CPNE4: variants seen among roughly 807,000 people sequenced by gnomAD.
The protein encoded by CPNE4 is copine 4.
A neutral mutation model predicts 67.9 loss-of-function variants in CPNE4; 25 were observed. That is an observed-to-expected ratio of 0.37 (90% confidence interval 0.27 to 0.51). The LOEUF (loss-of-function observed/expected upper bound fraction) is 0.51. CPNE4 is among the 20% of genes least tolerant of loss of function. The pLI is 0.93. For synonymous variants in CPNE4, 242 were observed against 244.9 expected (o/e 0.99, Z 0.11); for missense variants, 464 against 690.8 (o/e 0.67, Z 3.68).
Position 131,915,297 on chromosome 3 carries a change from T to C in CPNE4, c.-1-9853A>G, listed in dbSNP as rs989524658. Among the ~76,000 whole-genome samples, 4 of 152,214 alleles carry C rather than the reference T, an allele frequency of 2.6e-5. No homozygotes were observed. In the South Asian group the frequency reaches 6.2e-4, roughly 24 times the overall value. On this transcript the variant is annotated intron_variant, in intron 1 of 15. Transcript: ENST00000429747. ...TCAACCCTATTCCAATCCCAATAAA[T>C]CTCTAAGGTGTAGTGTATGTATTGA...
intron 1 of CPNE4, among the ~76,000 whole-genome samples, chr3:131,996,534 A>C (rs376454480): frequency 6.6e-5 from 10 of 152,150 alleles, no homozygotes; most frequent in East Asian, 3.9e-4. Context: ...CGATAGGAAC[A>C]GAAGAAAATC....
chr3:131,847,419 A>C (rs563896517), intron 2 of CPNE4, among the ~76,000 whole-genome samples: 1 of 152,268 alleles, frequency 6.6e-6, no homozygotes, highest in South Asian at 2.1e-4. Flanking sequence ...TCTTCCTGCT[A>C]TCCTGGGCAT....
intron 2 of CPNE4, among the ~76,000 whole-genome samples, chr3:131,863,069 T>C (rs2086762116): frequency 6.6e-6 from 1 of 152,170 alleles, no homozygotes; most frequent in South Asian, 2.1e-4. Context: ...TAGTATTCCA[T>C]GGTGTATATG....
chr3:131,840,022 T>A (rs74945894), intron 2 of CPNE4, among the ~76,000 whole-genome samples: 3,857 of 152,208 alleles, frequency 0.025, 70 homozygotes, highest in Non-Finnish European at 0.036. Context: ...GAGGAAACAA[T>A]CATGAATATA....
intron 1 of CPNE4, among the ~76,000 whole-genome samples, chr3:131,916,171 A>G (rs1560595396): frequency 1.3e-5 from 2 of 152,146 alleles, no homozygotes; most frequent in Non-Finnish European, 2.9e-5. Context: ...TGGCACTGAA[A>G]TAATTTACTC....
At position 131,888,435 on chromosome 3, in the gene CPNE4, C is replaced by T. The variant is rs77409067; in HGVS notation, c.180+16829G>A. Among the ~76,000 whole-genome samples the T allele has an allele frequency of 3.0e-4, 45 of 151,954 alleles. No individual in the cohort carries two copies. The East Asian group carries it at 6.0e-3, about 20-fold the overall frequency. On this transcript the variant is annotated intron_variant, in intron 2 of 15. Transcript: ENST00000429747. ...AAAAAGTCTCTAGGACTAACTACTC[C>T]GACGAAAAGGAGCTCTTGAAATATA... is the stretch of plus-strand genomic sequence containing the variant.
chr3:131,555,396 CAGTT>C (rs1936406551), intron 12 of CPNE4, 97 bp downstream of exon 12: 2 of 982,482 alleles, frequency 2.0e-6, no homozygotes, highest in African/African-American at 3.2e-5. Context: ...CCTACTGACA[CAGTT>C]AGGTCAGAGT....
rs1553774062 is a variant in CPNE4, at chr3:131,801,355, C to CT, written c.181-77731_181-77730insA. Among the ~76,000 whole-genome samples, 315 of 89,774 alleles carry CT rather than the reference C, an allele frequency of 3.5e-3. 3 individuals are homozygous for CT. The highest frequency in any genetic ancestry group is 6.6e-3 in the Admixed American group (49 of 7,476). The allele number at this position is 89,774 out of a possible 152,430, so 58.9% of individuals were successfully genotyped here. On this transcript the variant is annotated intron_variant, in intron 2 of 15. Coordinates refer to ENST00000429747, the MANE Select transcript of CPNE4 (RefSeq NM_130808.3). ...ACCATACATATATATATATATGTAC[C>CT]ATATATATATATGTACCATATATAT...
chr3:131,839,364 A>T (rs2108014454), intron 2 of CPNE4, among the ~76,000 whole-genome samples: 1 of 151,850 alleles, frequency 6.6e-6, no homozygotes, highest in African/African-American at 2.4e-5. Flanking sequence ...ACCATGGGAA[A>T]ATGCTTATAA....
intron 10 of CPNE4, among the ~76,000 whole-genome samples, chr3:131,565,473 A>G (rs1937007843): frequency 6.6e-6 from 1 of 152,016 alleles, no homozygotes; most frequent in Admixed American, 6.6e-5. Flanking sequence ...AAGGTGCAAC[A>G]TTATTTCTGA....
intron 2 of CPNE4, among the ~76,000 whole-genome samples, chr3:131,731,244 A>G (rs1050006346): frequency 6.6e-6 from 1 of 152,208 alleles, no homozygotes; most frequent in African/African-American, 2.4e-5. Flanking sequence ...TCGTTTCACC[A>G]GTAGACATAG....
intron 1 of CPNE4, among the ~76,000 whole-genome samples, chr3:131,991,652 T>C (rs2073176350): frequency 7.4e-6 from 1 of 135,612 alleles, no homozygotes; most frequent in Non-Finnish European, 1.7e-5. Context: ...TGGGGAGAAA[T>C]TCAAGCCCAC....
intron 2 of CPNE4, among the ~76,000 whole-genome samples, chr3:131,737,472 T>C (rs888737751): frequency 5.3e-5 from 8 of 152,230 alleles, no homozygotes; most frequent in Admixed American, 3.9e-4. Context: ...GAAAGAACTA[T>C]TAGTGAGTGG....
intron 2 of CPNE4, among the ~76,000 whole-genome samples, chr3:131,810,505 A>G (rs747899548): frequency 6.6e-6 from 1 of 152,086 alleles, no homozygotes. Flanking sequence ...TAGGAAGGCA[A>G]TCATAGATTA....
At chr3:131,592,636 CAT>C (rs1268455533) in intron 7 of CPNE4, among the ~76,000 whole-genome samples, 1 of 148,988 alleles carries the variant, frequency 6.7e-6, no homozygotes, top group Non-Finnish European at 1.5e-5. Context: ...TATACACACA[CAT>C]ATATATGTAT....
chr3:131,813,471 T>C (rs1452234294), intron 2 of CPNE4, among the ~76,000 whole-genome samples: 1 of 148,758 alleles, frequency 6.7e-6, no homozygotes, highest in African/African-American at 2.4e-5. Context: ...TATATTTTAT[T>C]TATATGTATT....
At chr3:131,858,230 C>A (rs918112721) in intron 2 of CPNE4, among the ~76,000 whole-genome samples, 1 of 152,038 alleles carries the variant, frequency 6.6e-6, no homozygotes, top group Non-Finnish European at 1.5e-5. Context: ...AATGCAAAAG[C>A]ATCATTTCAA....
chr3:131,691,447 T>C (rs1441287757), intron 5 of CPNE4, among the ~76,000 whole-genome samples: 1 of 152,102 alleles, frequency 6.6e-6, no homozygotes, highest in Non-Finnish European at 1.5e-5. Flanking sequence ...AGCACGGCAA[T>C]GGAAAATCAA....
intron 2 of CPNE4, among the ~76,000 whole-genome samples, chr3:131,808,127 C>T (rs2084387557): frequency 6.6e-6 from 1 of 152,158 alleles, no homozygotes; most frequent in Non-Finnish European, 1.5e-5. Flanking sequence ...AGAGGCATGT[C>T]CACTTTCAGG....
Sources: allele counts gnomAD v4.1 joint callset (sites outside exome capture counted in the v4.1 genomes callset), GRCh38; gene constraint gnomAD v4.1.1; transcripts MANE v1.5; gene names NCBI Gene and HGNC (gene_info 2026-07-23, HGNC 2026-07-21).